The following GPR107 variants were observed in gnomAD, a reference collection of about 807,000 sequenced individuals.
The protein encoded by GPR107 is G protein-coupled receptor 107, also known as protein GPR107.
Under a neutral mutation model 75.5 loss-of-function variants are expected in GPR107, and 31 were observed. The observed-to-expected ratio is 0.41, with a 90% CI of 0.31 to 0.55. GPR107 has a LOEUF of 0.55. GPR107 is among the 20% of genes least tolerant of loss of function. The pLI is 0.26. For synonymous variants in GPR107, 267 were observed against 251.3 expected (o/e 1.06, Z -0.59); for missense variants, 572 against 665.7 (o/e 0.86, Z 1.55).
chr9:130,135,054 T>C lies in GPR107; in HGVS notation c.1592T>C (p.Met531Thr), dbSNP rs782181660. 6.2e-7 allele frequency: 1 copy of C among 1,610,256 alleles called. No individual in the cohort carries two copies. The highest frequency in any genetic ancestry group is 8.5e-7 in the Non-Finnish European group (1 of 1,176,846). ...VVTTSGVMESMKKVKKVTNGS... is the reference protein window; with the variant it reads ...VVTTSGVMESTKKVKKVTNGS... ...ACAACATCTGGGGTGATGGAAAGTATGAAGAAAGTCAAGAAGGTGACCAAC... is the reference window on the plus strand; with the variant it reads ...ACAACATCTGGGGTGATGGAAAGTACGAAGAAAGTCAAGAAGGTGACCAAC... The change falls in exon 18 of 18, where the codon ATG becomes ACG. Residue 531 changes from methionine (M) to threonine (T), a missense_variant. Met to Thr is a moderately conservative substitution (Grantham distance 81). Transcript: ENST00000347136.
At chr9:130,084,171 G>A (rs1031818809) in intron 6 of GPR107, among the ~76,000 whole-genome samples, 3 of 151,084 alleles carry the variant, frequency 2.0e-5, no homozygotes, top group African/African-American at 7.3e-5. Context: ...GTTGAGGTTG[G>A]GGGATCACTT....
chr9:130,099,095 T>C (rs1830949917), intron 9 of GPR107, among the ~76,000 whole-genome samples: 1 of 152,100 alleles, frequency 6.6e-6, no homozygotes, highest in Non-Finnish European at 1.5e-5. Flanking sequence ...GTGGATTGCT[T>C]GGCCAGGGGT....
chr9:130,119,483 G>T (rs1286001709), intron 14 of GPR107, among the ~76,000 whole-genome samples: 1 of 152,186 alleles, frequency 6.6e-6, no homozygotes, highest in Admixed American at 6.5e-5. Flanking sequence ...CAACCCTAAG[G>T]GCGGGCATCG....
At chr9:130,054,127 T>G (rs200566290) in intron 1 of GPR107, 54 bp downstream of exon 1, 7 of 1,470,444 alleles carry the variant, frequency 4.8e-6, no homozygotes, top group Non-Finnish European at 6.3e-6. Flanking sequence ...ACTCCCCGGG[T>G]TTTAGGGCAA....
At chr9:130,094,378 A>G (rs1589507100) in intron 9 of GPR107, among the ~76,000 whole-genome samples, 1 of 152,064 alleles carries the variant, frequency 6.6e-6, no homozygotes, top group South Asian at 2.1e-4. Flanking sequence ...TGGGAGGTGG[A>G]GCTTGCAGTG....
At chr9:130,072,250 T>C (rs1445197222) in intron 1 of GPR107, among the ~76,000 whole-genome samples, 3 of 150,722 alleles carry the variant, frequency 2.0e-5, no homozygotes, top group South Asian at 2.1e-4. Context: ...AGATGGAGTC[T>C]CGCTGTCGCC....
chr9:130,113,062 T>C (rs1589521707), intron 14 of GPR107, among the ~76,000 whole-genome samples: 1 of 152,240 alleles, frequency 6.6e-6, no homozygotes, highest in Non-Finnish European at 1.5e-5. Context: ...GCTGCTTTTA[T>C]CTGGAAGAAT....
intron 1 of GPR107, among the ~76,000 whole-genome samples, chr9:130,058,288 A>C (rs1457414984): frequency 6.6e-6 from 1 of 152,190 alleles, no homozygotes; most frequent in East Asian, 1.9e-4. Flanking sequence ...TTGTACAGCT[A>C]TGACCACAAT....
intron 4 of GPR107, 40 bp downstream of exon 4, chr9:130,077,418 A>C: frequency 1.0e-6 from 1 of 966,554 alleles, no homozygotes; most frequent in Non-Finnish European, 1.7e-6. Flanking sequence ...GTCCTAGAGT[A>C]GAGTCGGGGA....
At chr9:130,104,664 A>G (rs937227083) in intron 13 of GPR107, 114 bp downstream of exon 13, 25 of 860,950 alleles carry the variant, frequency 2.9e-5, no homozygotes, top group Non-Finnish European at 4.6e-5. Flanking sequence ...TTAAAAGTAC[A>G]GCTTTCTGAG....
At chr9:130,081,671 CAAAAAAA>C (rs1279109782) in intron 5 of GPR107, among the ~76,000 whole-genome samples, 1 of 93,628 alleles carries the variant, frequency 1.1e-5, no homozygotes, top group African/African-American at 4.0e-5. Context: ...GACTCTGTCT[CAAAAAAA>C]AAAAAACAAA....
At chr9:130,067,456 G>T (rs1312576124) in intron 1 of GPR107, among the ~76,000 whole-genome samples, 1 of 152,082 alleles carries the variant, frequency 6.6e-6, no homozygotes, top group Non-Finnish European at 1.5e-5. Flanking sequence ...TTGAACCCAG[G>T]TTAGCGCACC....
intron 1 of GPR107, 127 bp from the exon 2 acceptor site, chr9:130,075,509 G>A (rs1442049745): frequency 3.5e-6 from 2 of 572,142 alleles, no homozygotes; most frequent in Non-Finnish European, 6.4e-6. Context: ...GTCTCCCAAA[G>A]TGGTGGGATT....
At chr9:130,124,103 C>G (rs1292736913) in intron 14 of GPR107, among the ~76,000 whole-genome samples, 1 of 152,222 alleles carries the variant, frequency 6.6e-6, no homozygotes, top group East Asian at 1.9e-4. Context: ...TCCCCGACAA[C>G]TAATCATGAG....
At position 130,099,013 on chromosome 9, in the gene GPR107, C is replaced by CAA. The variant is rs34789609; in HGVS notation, c.864-434_864-433dup. ...GGGTGACAGAACGATACTCTTGTCT[C>CAA]AAAAAAAAAAAGTTTTAGCTGGGTA... On this transcript the variant is annotated intron_variant, in intron 9 of 17. Transcript: ENST00000347136. Among the ~76,000 whole-genome samples, 232 of 147,242 alleles carry CAA rather than the reference C, an allele frequency of 1.6e-3. 3 individuals are homozygous for CAA. The Middle Eastern group carries it at 0.017, about 11-fold the overall frequency.
At chr9:130,094,682 T>G (rs1000820956) in intron 9 of GPR107, among the ~76,000 whole-genome samples, 1 of 140,990 alleles carries the variant, frequency 7.1e-6, no homozygotes, top group Admixed American at 6.9e-5. Flanking sequence ...TTTGTTTTTG[T>G]TTTTTTTTGT....
intron 17 of GPR107, chr9:130,130,070 G>T (rs1162205642): frequency 1.3e-5 from 2 of 152,186 alleles, no homozygotes; most frequent in African/African-American, 4.8e-5. Flanking sequence ...GCTGCCCTCT[G>T]TGCAGCCATT....
chr9:130,105,880 A>G (rs1795566660), intron 13 of GPR107, among the ~76,000 whole-genome samples: 1 of 151,624 alleles, frequency 6.6e-6, no homozygotes, highest in Non-Finnish European at 1.5e-5. Context: ...GGCTGGTCTC[A>G]AACTCCTGGG....
intron 14 of GPR107, chr9:130,110,305 C>G: frequency 1.0e-6 from 1 of 975,402 alleles, no homozygotes; most frequent in Non-Finnish European, 1.6e-6. Context: ...GGGTAACTTC[C>G]TTTAACAGGA....
Sources: allele counts gnomAD v4.1 joint callset (sites outside exome capture counted in the v4.1 genomes callset), GRCh38; gene constraint gnomAD v4.1.1; transcripts MANE v1.5; gene names NCBI Gene and HGNC (gene_info 2026-07-23, HGNC 2026-07-21).